Variants in DNAH12 observed in about 807,000 individuals in gnomAD.
DNAH12 encodes the protein dynein axonemal heavy chain 12, also known as axonemal beta dynein heavy chain 12.
DNAH12 carries 285 observed loss-of-function variants against 371.5 expected under a neutral mutation model. That is an observed-to-expected ratio of 0.77 (90% CI 0.70 to 0.85). The LOEUF is 0.85. Ranked by LOEUF, DNAH12 falls within the 40% of genes least tolerant of loss-of-function variation. The pLI is 0.00. For synonymous variants in DNAH12, 1,200 were observed against 1,213.0 expected, an observed-to-expected ratio of 0.99 and a Z score of 0.22; for missense variants, 3,611 against 3,689.4, an observed-to-expected ratio of 0.98 and a Z score of 0.55.
intron 12 of DNAH12, among the ~76,000 whole-genome samples, chr3:57,487,879 T>C (rs13083264): frequency 6.8e-6 from 1 of 147,790 alleles, no homozygotes; most frequent in Admixed American, 6.8e-5. Context: ...GTTTTTTTTT[T>C]GTTTTTTGTT....
chr3:57,458,265 A>G, intron 20 of DNAH12, 45 bp from the exon 21 acceptor site: 1 of 1,508,426 alleles, frequency 6.6e-7, no homozygotes, highest in Non-Finnish European at 8.8e-7. Flanking sequence ...TATGCCAGAT[A>G]TAATTATGAC....
intron 12 of DNAH12, among the ~76,000 whole-genome samples, chr3:57,483,981 C>T (rs1446277626): frequency 2.0e-5 from 3 of 146,650 alleles, no homozygotes; most frequent in Non-Finnish European, 4.5e-5. Context: ...AGCTTATCTG[C>T]TATAATTCAG....
intron 45 of DNAH12, among the ~76,000 whole-genome samples, chr3:57,389,227 A>G (rs1226191480): frequency 7.8e-6 from 1 of 128,932 alleles, no homozygotes; most frequent in Non-Finnish European, 1.6e-5. Flanking sequence ...AAGCAGGTCC[A>G]CAGGAAAAAA....
At chr3:57,299,201 C>A (rs1486874601) in intron 70 of DNAH12, among the ~76,000 whole-genome samples, 1 of 152,186 alleles carries the variant, frequency 6.6e-6, no homozygotes, top group East Asian at 1.9e-4. Context: ...AAAACCCACT[C>A]GCCCGTGGCT....
intron 65 of DNAH12, 49 bp from the exon 66 acceptor site, chr3:57,314,680 C>T: frequency 1.3e-6 from 2 of 1,496,648 alleles, no homozygotes; most frequent in South Asian, 2.7e-5. Context: ...GGTCAGATTC[C>T]ATCAGTAAAA....
intron 69 of DNAH12, among the ~76,000 whole-genome samples, chr3:57,308,649 C>T (rs1293773275): frequency 6.6e-6 from 1 of 152,128 alleles, no homozygotes; most frequent in Non-Finnish European, 1.5e-5. Flanking sequence ...TGCCGGTTTA[C>T]ACTGTTTTCC....
At chr3:57,491,099 A>AAAC (rs1553708753) in intron 11 of DNAH12, among the ~76,000 whole-genome samples, 2,709 of 112,574 alleles carry the variant, frequency 0.024, 284 homozygotes, top group Middle Eastern at 0.031. Flanking sequence ...AAAAAAAAAA[A>AAAC]AACAACAAAT....
Position 57,444,914 on chromosome 3 carries a change from C to G in DNAH12, c.4426-98G>C, listed in dbSNP as rs1027838531. 4.2e-6 allele frequency: 6 copies of G among 1,415,394 alleles called. No homozygotes were observed. The Admixed American group carries it at 1.2e-4, about 28-fold the overall frequency. 87.7% of individuals were successfully genotyped at this position (1,415,394 alleles called of 1,614,324 possible). A position where few individuals can be genotyped will look rare whatever the true frequency, so the allele number is the denominator to read the frequency against. On this transcript the variant is annotated intron_variant, in intron 28 of 73. Transcript: ENST00000495027. ...AGCCCCGGCCTGCCCCACCCCACCC[C>G]CCTGGCTAAAAGTCAAAGTTTATTT...
intron 58 of DNAH12, among the ~76,000 whole-genome samples, chr3:57,359,762 G>T (rs2062882238): frequency 6.6e-6 from 1 of 152,028 alleles, no homozygotes; most frequent in Admixed American, 6.6e-5. Context: ...GAAATCTCTA[G>T]AATAAACTTG....
At chr3:57,363,527 C>T (rs903642749) in intron 58 of DNAH12, 67 bp downstream of exon 58, 3 of 152,028 alleles carry the variant, frequency 2.0e-5, no homozygotes, top group Admixed American at 2.0e-4. Flanking sequence ...GGAAACAAAT[C>T]AGGATCTTAA....
chr3:57,552,030 G>A, the DNAH12 span, among the ~76,000 whole-genome samples: 1 of 151,014 alleles, frequency 6.6e-6, no homozygotes, highest in Non-Finnish European at 1.5e-5. Flanking sequence ...ATATCATGAG[G>A]TCAAGAGATC....
chr3:57,527,564 T>G (rs1413226154), intron 2 of DNAH12, among the ~76,000 whole-genome samples: 4 of 152,062 alleles, frequency 2.6e-5, no homozygotes, highest in Non-Finnish European at 5.9e-5. Context: ...AGGCACACTT[T>G]GAAGCAACCA....
rs2061241228 is a variant in DNAH12, at chr3:57,296,707, T to C, written c.11532+140A>G. 7.4e-6 allele frequency: 8 copies of C among 1,081,002 alleles called. No homozygotes were observed. The South Asian group carries it at 1.0e-4, about 14-fold the overall frequency. The allele number at this position is 1,081,002 out of a possible 1,614,324, so 67.0% of individuals were successfully genotyped here. On this transcript the variant is annotated intron_variant, in intron 71 of 73. Coordinates refer to ENST00000495027, the MANE Select transcript of DNAH12 (RefSeq NM_001366028.2). ...ATCAAATATTGCAATATATAAAAGT[T>C]CTAAGGGATAGCAAGACAAATATTC...
At chr3:57,317,893 G>A (rs910444171) in intron 65 of DNAH12, among the ~76,000 whole-genome samples, 1 of 152,030 alleles carries the variant, frequency 6.6e-6, no homozygotes, top group African/African-American at 2.4e-5. Context: ...TTGTGGTTTT[G>A]ATTTGCATTT....
intron 55 of DNAH12, among the ~76,000 whole-genome samples, chr3:57,371,940 G>GAAAAAAAAAAA (rs2063180760): frequency 9.2e-5 from 1 of 10,828 alleles, no homozygotes. Flanking sequence ...TCTAAACTCA[G>GAAAAAAAAAAA]CAAAAAAAAA....
At chr3:57,500,781 G>C (rs1008660410) in intron 11 of DNAH12, among the ~76,000 whole-genome samples, 3 of 151,934 alleles carry the variant, frequency 2.0e-5, no homozygotes, top group African/African-American at 7.3e-5. Context: ...TTTTAAGACA[G>C]TGTCTCGCCC....
chr3:57,519,209 G>A (rs2068317139), intron 4 of DNAH12, among the ~76,000 whole-genome samples: 1 of 152,176 alleles, frequency 6.6e-6, no homozygotes, highest in Non-Finnish European at 1.5e-5. Flanking sequence ...ATGGTAAAAT[G>A]TCTGTTCATA....
At chr3:57,308,121 T>C (rs1450987037) in intron 69 of DNAH12, among the ~76,000 whole-genome samples, 1 of 152,192 alleles carries the variant, frequency 6.6e-6, no homozygotes, top group Non-Finnish European at 1.5e-5. Flanking sequence ...TGACATGCCC[T>C]GAGTCAGGAA....
intron 55 of DNAH12, among the ~76,000 whole-genome samples, chr3:57,371,452 A>G (rs966830577): frequency 6.6e-6 from 1 of 152,270 alleles, no homozygotes; most frequent in South Asian, 2.1e-4. Flanking sequence ...CATACTAAAA[A>G]TCACCGAATT....
Sources: allele counts gnomAD v4.1 joint callset (sites outside exome capture counted in the v4.1 genomes callset), GRCh38; gene constraint gnomAD v4.1.1; transcripts MANE v1.5; gene names NCBI Gene and HGNC (gene_info 2026-07-23, HGNC 2026-07-21).